Variants in PRIMA1 observed in about 807,000 individuals in gnomAD.
The protein encoded by PRIMA1 is proline-rich membrane anchor 1.
In PRIMA1, 7 loss-of-function variants were observed where a neutral mutation model predicts 17.5. The ratio of observed to expected loss-of-function variants is 0.40; its 90% confidence interval spans 0.23 to 0.75. The LOEUF (loss-of-function observed/expected upper bound fraction) is 0.75, where lower values mean the gene tolerates loss of function less well. Ranked by LOEUF, PRIMA1 falls within the 30% of genes least tolerant of loss-of-function variation. The probability of loss-of-function intolerance (pLI) is 0.37; values close to 1 mark genes in which losing one functional copy is unlikely to be tolerated. For synonymous variants in PRIMA1, 97 were observed against 77.9 expected (o/e 1.25, Z -1.29); for missense variants, 200 against 201.8 (o/e 0.99, Z 0.05).
At chr14:93,747,783 AGTAT>A (rs1206007986) in intron 3 of PRIMA1, among the ~76,000 whole-genome samples, 1 of 80,014 alleles carries the variant, frequency 1.2e-5, no homozygotes. Context: ...TGTGTGTATG[AGTAT>A]GTGAGAGTGT....
At chr14:93,748,132 G>A (rs1415655091) in intron 3 of PRIMA1, among the ~76,000 whole-genome samples, 1 of 152,016 alleles carries the variant, frequency 6.6e-6, no homozygotes, top group Non-Finnish European at 1.5e-5. Flanking sequence ...GTGTGCATGA[G>A]TGTGAGAGAC....
chr14:93,733,430 G>A (rs2076128385), intron 4 of PRIMA1, among the ~76,000 whole-genome samples: 1 of 152,154 alleles, frequency 6.6e-6, no homozygotes, highest in African/African-American at 2.4e-5. Context: ...CAGATGTGAG[G>A]GCCCTGCGGG....
chr14:93,765,410 T>C (rs190055478), intron 3 of PRIMA1, among the ~76,000 whole-genome samples: 2 of 149,628 alleles, frequency 1.3e-5, no homozygotes, highest in Non-Finnish European at 3.0e-5. Flanking sequence ...GTTAGACTGG[T>C]TGCTTTGTCC....
At chr14:93,750,312 C>A (rs541350985) in intron 3 of PRIMA1, among the ~76,000 whole-genome samples, 11 of 152,104 alleles carry the variant, frequency 7.2e-5, no homozygotes, top group African/African-American at 4.8e-5. Flanking sequence ...GAGGCTGAGG[C>A]AAGAGGATGG....
At chr14:93,746,556 A>ATCT (rs1555415424) in intron 3 of PRIMA1, among the ~76,000 whole-genome samples, 2 of 151,802 alleles carry the variant, frequency 1.3e-5, no homozygotes, top group Non-Finnish European at 2.9e-5. Flanking sequence ...AGGAGATGGG[A>ATCT]CCACATGGGG....
intron 3 of PRIMA1, among the ~76,000 whole-genome samples, chr14:93,764,537 A>G (rs1419283060): frequency 6.6e-6 from 1 of 151,874 alleles, no homozygotes. Context: ...TGTCTTCTCC[A>G]CTGCGTCATC....
rs2076075317 is a variant in PRIMA1 at position 93,726,242 on chromosome 14, C to T, written c.360-4696G>A. On this transcript the variant is annotated intron_variant, in intron 4 of 4. Coordinates refer to ENST00000393140, the MANE Select transcript of PRIMA1 (RefSeq NM_178013.4). This position sits in a 1 kb window ranked among gnomAD's most constrained non-coding sequence, Gnocchi z 4.2. Reference sequence around the variant, plus strand: ...CCTCCACCGGCATCTTTGGCCTGGGCAAGGAGGGCCAGGACCCAGGTACCC... The same window carrying T: ...CCTCCACCGGCATCTTTGGCCTGGGTAAGGAGGGCCAGGACCCAGGTACCC... 6.6e-6 allele frequency among the ~76,000 whole-genome samples: 1 copy of T among 152,154 alleles called. No individual in the cohort carries two copies. The highest frequency in any genetic ancestry group is 6.5e-5 in the Admixed American group (1 of 15,280).
intron 3 of PRIMA1, among the ~76,000 whole-genome samples, chr14:93,757,591 A>C (rs1025103976): frequency 1.3e-5 from 2 of 152,012 alleles, no homozygotes; most frequent in African/African-American, 4.8e-5. Flanking sequence ...TTCGCCCAGC[A>C]ATTGGTCTGT....
At chr14:93,743,408 G>A (rs750555013) in intron 3 of PRIMA1, among the ~76,000 whole-genome samples, 5 of 152,224 alleles carry the variant, frequency 3.3e-5, no homozygotes, top group Non-Finnish European at 5.9e-5. Flanking sequence ...CGCTTCACTG[G>A]CCTTGATTGT....
chr14:93,757,642 T>C (rs1327973805), intron 3 of PRIMA1, among the ~76,000 whole-genome samples: 2 of 151,536 alleles, frequency 1.3e-5, no homozygotes, highest in African/African-American at 4.9e-5. Context: ...CTTCCTTGTG[T>C]GGAGTCGTTC....
At chr14:93,783,554 A>G (rs1333526354) in intron 2 of PRIMA1, among the ~76,000 whole-genome samples, 1 of 152,226 alleles carries the variant, frequency 6.6e-6, no homozygotes, top group Non-Finnish European at 1.5e-5. Context: ...AGGAGAAGGA[A>G]GTTTCCCCTG....
intron 3 of PRIMA1, among the ~76,000 whole-genome samples, chr14:93,765,465 G>A (rs1435358627): frequency 6.7e-6 from 1 of 149,650 alleles, no homozygotes; most frequent in African/African-American, 2.5e-5. Context: ...AATAAGATGA[G>A]CTAACTAACC....
Position 93,720,249 on chromosome 14 carries a change from A to C in PRIMA1, c.*1195T>G, listed in dbSNP as rs971590497. Reference sequence around the variant, plus strand: ...GATGTGGCCCACAGGGAAGGCTGCCACTTGGGAGACAGGCCAACAGGGCAG... The same window carrying C: ...GATGTGGCCCACAGGGAAGGCTGCCCCTTGGGAGACAGGCCAACAGGGCAG... On this transcript the variant is annotated 3_prime_UTR_variant, in exon 5 of 5. Coordinates refer to ENST00000393140, the MANE Select transcript of PRIMA1 (RefSeq NM_178013.4). 1.3e-5 allele frequency: 2 copies of C among 152,222 alleles called. No homozygotes were observed. The highest frequency in any genetic ancestry group is 2.9e-5 in the Non-Finnish European group (2 of 68,058). The allele number at this position is 152,222 out of a possible 1,614,324, so 9.4% of individuals were successfully genotyped here.
At chr14:93,739,568 C>T (rs960575295) in intron 3 of PRIMA1, among the ~76,000 whole-genome samples, 1 of 152,102 alleles carries the variant, frequency 6.6e-6, no homozygotes, top group African/African-American at 2.4e-5. Flanking sequence ...TTCCTGAATG[C>T]TTGTACCTTT....
intron 3 of PRIMA1, among the ~76,000 whole-genome samples, chr14:93,771,107 C>T (rs184463886): frequency 1.1e-3 from 173 of 150,902 alleles, no homozygotes; most frequent in African/African-American, 3.8e-3. Flanking sequence ...TGTGCATGTA[C>T]GCGTGTGCAT....
Position 93,759,694 on chromosome 14 carries a change from G to T in PRIMA1, c.229+19482C>A, listed in dbSNP as rs146085088. Among the ~76,000 whole-genome samples, 152 of 152,328 alleles carry T rather than the reference G, an allele frequency of 1.0e-3. 1 individual carries two copies. The Middle Eastern group carries it at 0.027, about 27-fold the overall frequency. ...GACGCTTTGCATTTCCAGCACAGAC[G>T]GAGCTTAGAATCTCCTCAGCCCAGC... On this transcript the variant is annotated intron_variant, in intron 3 of 4. Coordinates refer to ENST00000393140, the MANE Select transcript of PRIMA1 (RefSeq NM_178013.4).
intron 4 of PRIMA1, among the ~76,000 whole-genome samples, chr14:93,733,728 CA>C (rs1268263741): frequency 6.6e-6 from 1 of 152,138 alleles, no homozygotes; most frequent in African/African-American, 2.4e-5. Flanking sequence ...TTTGCAGTGA[CA>C]TGAGATACTT....
chr14:93,773,911 T>C (rs972885956), intron 3 of PRIMA1, among the ~76,000 whole-genome samples: 1 of 152,110 alleles, frequency 6.6e-6, no homozygotes, highest in Non-Finnish European at 1.5e-5. Context: ...CTGACCAACA[T>C]GGTGAAATCC....
chr14:93,785,886 A>T (rs1885510403), intron 2 of PRIMA1, among the ~76,000 whole-genome samples: 2 of 150,332 alleles, frequency 1.3e-5, no homozygotes, highest in African/African-American at 4.9e-5. Context: ...CCCTGCACAC[A>T]CACAGACACC....
Sources: gnomAD v4.1 joint callset for allele counts (sites outside exome capture counted in the v4.1 genomes callset) on GRCh38, gnomAD v4.1.1 for gene constraint, Gnocchi (gnomAD v3.1) non-coding constraint, MANE v1.5 for transcripts, NCBI Gene and HGNC (gene_info 2026-07-23, HGNC 2026-07-21) for gene names.